Variants in FHIT observed in about 807,000 individuals in gnomAD.
FHIT encodes the protein fragile histidine triad diadenosine triphosphatase, also known as bis(5'-adenosyl)-triphosphatase.
A neutral mutation model predicts 17.9 loss-of-function variants in FHIT; 19 were observed. That is an observed-to-expected ratio of 1.06 (90% CI 0.74 to 1.56). The LOEUF is 1.56. Among genes scored for constraint, FHIT ranks in the 40% most tolerant of loss-of-function variants. The pLI is 0.00. For synonymous variants in FHIT, 81 were observed against 69.7 expected, an observed-to-expected ratio of 1.16 and a Z score of -0.81; for missense variants, 248 against 189.2, an observed-to-expected ratio of 1.31 and a Z score of -1.82.
At chr3:61,152,907 G>T (rs139894862) in intron 2 of FHIT, among the ~76,000 whole-genome samples, 34 of 152,208 alleles carry the variant, frequency 2.2e-4, no homozygotes, top group African/African-American at 7.7e-4. Flanking sequence ...ACTTTGGGAG[G>T]CTGAGATGGG....
chr3:60,652,766 T>G (rs1361109384), intron 4 of FHIT, among the ~76,000 whole-genome samples: 1 of 135,758 alleles, frequency 7.4e-6, no homozygotes, highest in African/African-American at 2.8e-5. Flanking sequence ...AAAAAGTACC[T>G]CAGCATGGTG....
chr3:59,992,816 C>T (rs1485171613), intron 7 of FHIT, among the ~76,000 whole-genome samples: 1 of 151,996 alleles, frequency 6.6e-6, no homozygotes, highest in East Asian at 1.9e-4. Flanking sequence ...CCATCACACC[C>T]TCGCAACAGT....
intron 4 of FHIT, among the ~76,000 whole-genome samples, chr3:60,779,194 AT>A (rs1332026407): frequency 3.3e-5 from 5 of 152,198 alleles, no homozygotes; most frequent in Non-Finnish European, 5.9e-5. Flanking sequence ...TCCTACCATA[AT>A]TTTTTTAACA....
At chr3:60,240,843 C>A (rs1344732997) in intron 5 of FHIT, among the ~76,000 whole-genome samples, 7 of 152,056 alleles carry the variant, frequency 4.6e-5, no homozygotes, top group Non-Finnish European at 1.0e-4. Context: ...AGAGCTGTAC[C>A]TGCTTTGAAA....
intron 4 of FHIT, among the ~76,000 whole-genome samples, chr3:60,737,292 G>A (rs1286272677): frequency 6.6e-6 from 1 of 152,188 alleles, no homozygotes; most frequent in Non-Finnish European, 1.5e-5. Context: ...TACAGAAAAT[G>A]CAGAATGTAA....
At chr3:59,974,264 C>T (rs746931060) in intron 7 of FHIT, among the ~76,000 whole-genome samples, 7 of 152,250 alleles carry the variant, frequency 4.6e-5, no homozygotes, top group East Asian at 1.9e-4. Context: ...AAAGAAAAGC[C>T]GTGTTCTCAT....
At chr3:60,320,095 C>A (rs1487802594) in intron 5 of FHIT, among the ~76,000 whole-genome samples, 1 of 152,144 alleles carries the variant, frequency 6.6e-6, no homozygotes, top group Non-Finnish European at 1.5e-5. Context: ...CCATCCAGAC[C>A]ACATTTTAAG....
Position 60,939,396 on chromosome 3 carries a change from C to A in FHIT, c.-111+102651G>T, listed in dbSNP as rs1553773940. 1.3e-5 allele frequency among the ~76,000 whole-genome samples: 2 copies of A among 152,084 alleles called. 1 individual carries two copies. On this transcript the variant is annotated intron_variant, in intron 3 of 9. Coordinates refer to ENST00000492590, the MANE Select transcript of FHIT (RefSeq NM_002012.4). ...TAGTTGTGACCATACTACCAAAAAA[C>A]CTGCAATATTTACCCTTTAGTCCTT...
chr3:60,995,737 A>C (rs2030626632), intron 3 of FHIT, among the ~76,000 whole-genome samples: 1 of 152,220 alleles, frequency 6.6e-6, no homozygotes, highest in African/African-American at 2.4e-5. Flanking sequence ...ACTCTCAGCT[A>C]CTACCCATTT....
chr3:59,820,345 G>A (rs921168987), intron 8 of FHIT, among the ~76,000 whole-genome samples: 1 of 152,224 alleles, frequency 6.6e-6, no homozygotes, highest in Non-Finnish European at 1.5e-5. Context: ...GGCATGTACA[G>A]TGAACAACTT....
Position 60,068,748 on chromosome 3 carries a change from T to C in FHIT, c.104-54596A>G, listed in dbSNP as rs556209008. Among the ~76,000 whole-genome samples, 119 of 152,330 alleles carry C rather than the reference T, an allele frequency of 7.8e-4. 1 individual carries two copies. The highest frequency in any genetic ancestry group is 1.5e-3 in the Non-Finnish European group (102 of 68,024). On this transcript the variant is annotated intron_variant, in intron 5 of 9. Transcript: ENST00000492590. ...AGTAAAAATGCTCAATGAAACATAA[T>C]TTTTTCCTCTACCTGATTTTTAAGT...
At chr3:60,018,576 C>G (rs547067798) in intron 5 of FHIT, among the ~76,000 whole-genome samples, 91 of 152,110 alleles carry the variant, frequency 6.0e-4, no homozygotes, top group African/African-American at 2.0e-3. Flanking sequence ...CAATAACTGT[C>G]AGAGATCATC....
chr3:60,964,015 A>G (rs979995389), intron 3 of FHIT, among the ~76,000 whole-genome samples: 8 of 152,114 alleles, frequency 5.3e-5, no homozygotes, highest in African/African-American at 1.9e-4. Flanking sequence ...TGATCTGTCT[A>G]ATGTTGCCAG....
At chr3:59,875,425 C>A (rs1278295210) in intron 8 of FHIT, among the ~76,000 whole-genome samples, 1 of 152,192 alleles carries the variant, frequency 6.6e-6, no homozygotes, top group Non-Finnish European at 1.5e-5. Flanking sequence ...AGCCATCCTG[C>A]CTGGCGTCCT....
At chr3:60,257,011 G>T (rs1181211055) in intron 5 of FHIT, among the ~76,000 whole-genome samples, 1 of 152,132 alleles carries the variant, frequency 6.6e-6, no homozygotes, top group Non-Finnish European at 1.5e-5. Context: ...TTTCCTGTTT[G>T]ATACAGGTTT....
intron 5 of FHIT, among the ~76,000 whole-genome samples, chr3:60,267,747 G>T (rs76926433): frequency 0.091 from 13,769 of 152,014 alleles, 776 homozygotes; most frequent in Non-Finnish European, 0.13. Context: ...TCTGATCTAG[G>T]ACTGATCCTA....
intron 8 of FHIT, among the ~76,000 whole-genome samples, chr3:59,797,802 T>C (rs373863140): frequency 6.6e-6 from 1 of 152,304 alleles, no homozygotes; most frequent in East Asian, 1.9e-4. Context: ...TTCCGTGAAA[T>C]TAATATGATA....
intron 5 of FHIT, among the ~76,000 whole-genome samples, chr3:60,028,170 C>G (rs58281255): frequency 0.012 from 1,759 of 152,114 alleles, 32 homozygotes; most frequent in African/African-American, 0.04. Context: ...TTTTTTGTTC[C>G]TGAAGAAACT....
At chr3:60,566,330 G>A (rs2037132262) in intron 4 of FHIT, among the ~76,000 whole-genome samples, 1 of 152,134 alleles carries the variant, frequency 6.6e-6, no homozygotes, top group Non-Finnish European at 1.5e-5. Context: ...ACGTAATCCA[G>A]CATATAAACA....
Sources: gnomAD v4.1 joint callset for allele counts (sites outside exome capture counted in the v4.1 genomes callset) on GRCh38, gnomAD v4.1.1 for gene constraint, MANE v1.5 for transcripts, NCBI Gene and HGNC (gene_info 2026-07-23, HGNC 2026-07-21) for gene names.